The following SPIN1 variants were observed in gnomAD, a reference collection of about 807,000 sequenced individuals.
SPIN1 encodes spindlin 1.
A neutral mutation model predicts 26.0 loss-of-function variants in SPIN1; 3 were observed. The observed-to-expected ratio is 0.12, with a 90% CI of 0.05 to 0.30. SPIN1 has a LOEUF of 0.30. Among genes scored for constraint, SPIN1 ranks in the 10% least tolerant of loss-of-function variants. The pLI is 1.00. For missense variants in SPIN1, 126 were observed against 333.4 expected (o/e 0.38, Z 4.84); for synonymous variants, 101 against 116.5 (o/e 0.87, Z 0.86).
chr9:88,456,940 A>G (rs1828484130), intron 3 of SPIN1, among the ~76,000 whole-genome samples: 2 of 152,206 alleles, frequency 1.3e-5, no homozygotes, highest in African/African-American at 4.8e-5. Context: ...TCGAGATAAG[A>G]CAAAGACATT....
rs992627077 is a variant in SPIN1, at chr9:88,475,885, C to G, written c.*608C>G. 2 of 151,404 alleles carry G rather than the reference C, an allele frequency of 1.3e-5. No homozygotes were observed. Among genetic ancestry groups the G allele is most frequent in the African/African-American group, 2.4e-5 (1 of 41,112 alleles). 9.4% of individuals were successfully genotyped at this position (151,404 alleles called of 1,614,324 possible). ...TTTATTTAAAAGTAAACTTTGGGCA[C>G]AGGAACCATATGGGAACATTCAGCT... On this transcript the variant is annotated 3_prime_UTR_variant, in exon 6 of 6. Coordinates refer to ENST00000375859, the MANE Select transcript of SPIN1 (RefSeq NM_006717.3).
intron 1 of SPIN1, among the ~76,000 whole-genome samples, chr9:88,389,061 G>A (rs76106374): frequency 2.0e-5 from 3 of 151,904 alleles, no homozygotes; most frequent in African/African-American, 7.2e-5. Flanking sequence ...CCCCGGGGAC[G>A]CGGGCCTGCC....
chr9:88,388,953 A>T (rs959773907), intron 1 of SPIN1, among the ~76,000 whole-genome samples: 3 of 144,272 alleles, frequency 2.1e-5, no homozygotes, highest in Non-Finnish European at 4.6e-5. Context: ...GCGCTGCGCC[A>T]GAATGCAGGC....
chr9:88,403,108 T>C (rs1020569951), intron 1 of SPIN1, among the ~76,000 whole-genome samples: 3 of 152,308 alleles, frequency 2.0e-5, no homozygotes, highest in Admixed American at 2.0e-4. Context: ...TTGATGTCCT[T>C]TGCCCACTTT....
intron 2 of SPIN1, 67 bp from the exon 3 acceptor site, chr9:88,448,874 G>C: frequency 6.7e-7 from 1 of 1,490,076 alleles, no homozygotes; most frequent in East Asian, 2.3e-5. Context: ...CAGAAGTTAA[G>C]ATTTCCTGCA....
rs57244433 is a variant in SPIN1, at chr9:88,393,445, GTTTTTTTTTTTTT to G, written c.-159+4923_-159+4935del. On this transcript the variant is annotated intron_variant, in intron 1 of 5. Coordinates refer to ENST00000375859, the MANE Select transcript of SPIN1 (RefSeq NM_006717.3). ...AGAATGTCCTTTTTCTTGCTTTTGG[GTTTTTTTTTTTTT>G]TTTTTTTTTTTTTTTGAGACGGAGT... Among the ~76,000 whole-genome samples the G allele has an allele frequency of 2.4e-4, 21 of 88,436 alleles. 1 individual carries two copies. The highest frequency in any genetic ancestry group is 8.3e-3 in the Middle Eastern group (1 of 120). 58.0% of individuals were successfully genotyped at this position (88,436 alleles called of 152,430 possible).
At chr9:88,472,607 C>T (rs1358417532) in intron 5 of SPIN1, among the ~76,000 whole-genome samples, 1 of 152,172 alleles carries the variant, frequency 6.6e-6, no homozygotes, top group Non-Finnish European at 1.5e-5. Context: ...ATTCGTCTAC[C>T]TCAGCCTCCC....
At chr9:88,466,066 A>G (rs1471777293) in intron 4 of SPIN1, among the ~76,000 whole-genome samples, 1 of 152,226 alleles carries the variant, frequency 6.6e-6, no homozygotes, top group Non-Finnish European at 1.5e-5. Context: ...AAATGTTTCT[A>G]GATTTGTTTT....
chr9:88,426,612 C>A (rs577248455), intron 2 of SPIN1, 21 bp downstream of exon 2: 1 of 1,601,530 alleles, frequency 6.2e-7, no homozygotes, highest in East Asian at 2.3e-5. Context: ...CGGTTCTACA[C>A]ATATTTAAAT....
chr9:88,462,482 A>G lies in SPIN1; in HGVS notation c.102-14A>G, dbSNP rs200474678. ...TTGAGATAATACCTTATGTGTGTAT[A>G]TGTGTGAATACAGAAAACATCGGAG... On this transcript the variant is annotated splice_polypyrimidine_tract_variant and intron_variant, in intron 3 of 5. Coordinates refer to ENST00000375859, the MANE Select transcript of SPIN1 (RefSeq NM_006717.3). The G allele has an allele frequency of 7.4e-6, 12 of 1,613,168 alleles. No homozygotes were observed. In the African/African-American group the frequency reaches 1.5e-4, roughly 20 times the overall value.
chr9:88,404,696 A>C (rs1446559392), intron 1 of SPIN1, among the ~76,000 whole-genome samples: 2 of 152,058 alleles, frequency 1.3e-5, no homozygotes, highest in African/African-American at 4.8e-5. Context: ...CAGGCAGATC[A>C]CCTGAGGTCA....
rs10635542 is a variant in SPIN1 at position 88,414,030 on chromosome 9, C to CAAAA, written c.-158-12342_-158-12339dup. On this transcript the variant is annotated intron_variant, in intron 1 of 5. Transcript: ENST00000375859. ...GTCCAGTACTTATAGTTTATTATAG[C>CAAAA]AAAAAAAAAAAAATACAAATTAGGA... Among the ~76,000 whole-genome samples the CAAAA allele has an allele frequency of 2.0e-3, 286 of 141,832 alleles. 1 individual carries two copies. Among genetic ancestry groups the CAAAA allele is most frequent in the African/African-American group, 6.5e-3 (258 of 39,874 alleles). The allele number at this position is 141,832 out of a possible 152,430, so 93.0% of individuals were successfully genotyped here. A position where few individuals can be genotyped will look rare whatever the true frequency, so the allele number is the denominator to read the frequency against.
At chr9:88,462,453 A>G (rs1220559750) in intron 3 of SPIN1, 43 bp from the exon 4 acceptor site, 1 of 1,592,318 alleles carries the variant, frequency 6.3e-7, no homozygotes, top group East Asian at 2.2e-5. Context: ...AGGCATGCAT[A>G]CTTTTGAGAT....
In SPIN1 at chr9:88,477,104, C is replaced by G. The variant is rs1365858065; in HGVS notation, c.*1827C>G. On this transcript the variant is annotated 3_prime_UTR_variant, in exon 6 of 6. Coordinates refer to ENST00000375859, the MANE Select transcript of SPIN1 (RefSeq NM_006717.3). ...ACAAGCTTCTGAAAGCAGTGTGATA[C>G]CCAAGTCATAGGTGCTTCTCGTATG... 2 of 152,198 alleles carry G rather than the reference C, an allele frequency of 1.3e-5. No individual in the cohort carries two copies. The highest frequency in any genetic ancestry group is 2.4e-5 in the African/African-American group (1 of 41,432). 9.4% of individuals were successfully genotyped at this position (152,198 alleles called of 1,614,324 possible).
chr9:88,395,054 C>T (rs754404353), intron 1 of SPIN1, among the ~76,000 whole-genome samples: 8 of 151,802 alleles, frequency 5.3e-5, no homozygotes, highest in Non-Finnish European at 8.8e-5. Flanking sequence ...GTGATCTGTC[C>T]GCCTCGGCCT....
chr9:88,423,208 T>C (rs774601584), intron 1 of SPIN1, among the ~76,000 whole-genome samples: 165 of 152,360 alleles, frequency 1.1e-3, no homozygotes, highest in Middle Eastern at 6.8e-3. Flanking sequence ...GGAGGGTACA[T>C]ACTTCAGAAT....
chr9:88,414,030 C>CAGA (rs773145297), intron 1 of SPIN1, among the ~76,000 whole-genome samples: 130 of 141,838 alleles, frequency 9.2e-4, no homozygotes, highest in African/African-American at 3.2e-3. Context: ...TTTATTATAG[C>CAGA]AAAAAAAAAA....
At chr9:88,450,965 T>A (rs1828341464) in intron 3 of SPIN1, among the ~76,000 whole-genome samples, 1 of 152,194 alleles carries the variant, frequency 6.6e-6, no homozygotes, top group Admixed American at 6.5e-5. Context: ...CTGATGGAGC[T>A]TGGCTGTTAG....
chr9:88,423,364 G>A (rs894601210), intron 1 of SPIN1, among the ~76,000 whole-genome samples: 2 of 152,108 alleles, frequency 1.3e-5, no homozygotes, highest in African/African-American at 4.8e-5. Context: ...TCTGTAAATA[G>A]CACAGAAAGG....
Sources: allele counts gnomAD v4.1 joint callset (sites outside exome capture counted in the v4.1 genomes callset), GRCh38; gene constraint gnomAD v4.1.1; transcripts MANE v1.5; gene names NCBI Gene and HGNC (gene_info 2026-07-23, HGNC 2026-07-21).